RNF145: variants seen among roughly 807,000 people sequenced by gnomAD.
RNF145 encodes ring finger protein 145.
A neutral mutation model predicts 57.3 loss-of-function variants in RNF145; 12 were observed. The ratio of observed to expected loss-of-function variants is 0.21; its 90% CI spans 0.13 to 0.34. RNF145 has a LOEUF of 0.34. RNF145 is among the 10% of genes least tolerant of loss of function. RNF145 has a pLI of 1.00. For synonymous variants in RNF145, 262 were observed against 288.3 expected, an observed-to-expected ratio of 0.91 and a Z score of 0.92; for missense variants, 429 against 799.0, an observed-to-expected ratio of 0.54 and a Z score of 5.58.
chr5:159,209,175 G>C (rs1786016185), intron 1 of RNF145, 56 bp downstream of exon 1: 1 of 798,630 alleles, frequency 1.3e-6, no homozygotes, highest in African/African-American at 1.9e-5. Context: ...GGGAGGCCGT[G>C]GGAAGCGGCC....
At chr5:159,179,352 A>G (rs1784810992) in intron 4 of RNF145, among the ~76,000 whole-genome samples, 1 of 152,134 alleles carries the variant, frequency 6.6e-6, no homozygotes, top group African/African-American at 2.4e-5. Flanking sequence ...TGCATAAACC[A>G]AAATCCCAAT....
chr5:159,166,411 TCA>T (rs1292949038), intron 8 of RNF145, among the ~76,000 whole-genome samples: 1 of 152,250 alleles, frequency 6.6e-6, no homozygotes, highest in Admixed American at 6.5e-5. Flanking sequence ...ATAGTCAATC[TCA>T]GTCTTCCACA....
At chr5:159,167,891 A>T (rs1342146275) in intron 8 of RNF145, among the ~76,000 whole-genome samples, 3 of 152,186 alleles carry the variant, frequency 2.0e-5, no homozygotes, top group Non-Finnish European at 4.4e-5. Context: ...TTAAAATGTT[A>T]ATTTGGAATG....
intron 3 of RNF145, among the ~76,000 whole-genome samples, chr5:159,185,240 ACT>A (rs1785019325): frequency 6.6e-6 from 1 of 151,996 alleles, no homozygotes; most frequent in Non-Finnish European, 1.5e-5. Context: ...AAGCCTGCAG[ACT>A]CTCTCTTTAG....
intron 3 of RNF145, among the ~76,000 whole-genome samples, chr5:159,189,471 G>A (rs1785209066): frequency 6.6e-6 from 1 of 152,200 alleles, no homozygotes; most frequent in African/African-American, 2.4e-5. Context: ...CAAGAATGTA[G>A]ACAAATTGGA....
chr5:159,209,753 CAG>C, upstream of RNF145: 3 of 1,256,554 alleles, frequency 2.4e-6, no homozygotes, highest in East Asian at 5.1e-5. Flanking sequence ...AGGCGTACTG[CAG>C]AGACACCTGG....
At chr5:159,164,339 G>A (rs1215017057) in intron 8 of RNF145, among the ~76,000 whole-genome samples, 1 of 152,138 alleles carries the variant, frequency 6.6e-6, no homozygotes, top group African/African-American at 2.4e-5. Flanking sequence ...AAAGGCAGTA[G>A]CTGTACTGTG....
rs758167832 is a variant in RNF145 at position 159,161,661 on chromosome 5, A to T, written c.1270-39T>A. ...AAAAATGTACGTATCTTGAAATATG[A>T]TCACTAAGATACTTTTTTCATAGGC... On this transcript the variant is annotated intron_variant, in intron 9 of 10. Coordinates refer to ENST00000424310, the MANE Select transcript of RNF145 (RefSeq NM_001199383.2). 5.9e-6 allele frequency: 7 copies of T among 1,178,988 alleles called. No homozygotes were observed. In the South Asian group the frequency reaches 8.5e-5, roughly 14 times the overall value. 73.0% of individuals were successfully genotyped at this position (1,178,988 alleles called of 1,614,324 possible).
chr5:159,158,778 G>A lies in RNF145; in HGVS notation c.1884C>T (p.Asp628=), dbSNP rs377143245. ...PGTRIQEGSR[D]NNEYIARRPD... ...GTCGTCTGGCAATGTACTCATTATTGTCCCTGGAACCTTCCTGTATCCTGG... is the reference window on the plus strand; with the variant it reads ...GTCGTCTGGCAATGTACTCATTATTATCCCTGGAACCTTCCTGTATCCTGG... Residue 628 remains aspartate, a synonymous_variant, in exon 11 of 11, where the codon GAC becomes GAT. Transcript: ENST00000424310. 2.5e-6 allele frequency: 4 copies of A among 1,613,940 alleles called. No homozygotes were observed. Among genetic ancestry groups the A allele is most frequent in the African/African-American group, 1.3e-5 (1 of 75,014 alleles).
chr5:159,164,119 T>C (rs978806161), intron 8 of RNF145, among the ~76,000 whole-genome samples: 1 of 152,150 alleles, frequency 6.6e-6, no homozygotes, highest in Non-Finnish European at 1.5e-5. Context: ...CAAGGTCAAA[T>C]GCTATACAGT....
upstream of RNF145, chr5:159,209,665 T>A: frequency 1.0e-6 from 1 of 957,458 alleles, no homozygotes; most frequent in South Asian, 2.8e-5. Context: ...CGGAGTGCTT[T>A]CCGCACCGCC....
intron 9 of RNF145, among the ~76,000 whole-genome samples, chr5:159,161,862 C>G (rs1020196705): frequency 6.6e-6 from 1 of 152,128 alleles, no homozygotes; most frequent in East Asian, 1.9e-4. Context: ...AAAGCCACAC[C>G]GTCAGACGTG....
At chr5:159,162,224 T>C (rs904404267) in intron 9 of RNF145, among the ~76,000 whole-genome samples, 3 of 152,170 alleles carry the variant, frequency 2.0e-5, no homozygotes, top group Non-Finnish European at 4.4e-5. Flanking sequence ...GTGGAACTAT[T>C]GGTATTTTTG....
rs761484788 is a variant in RNF145, at chr5:159,158,955, C to A, written c.1707G>T (p.Glu569Asp). Residue 569 changes from glutamate (E) to aspartate (D), a missense_variant, in exon 11 of 11, where the codon GAG becomes GAT. Physicochemically the swap from Glu to Asp is conservative, Grantham distance 45. Around this residue, in one of 4 missense-constraint regions of RNF145, gnomAD observed 216 missense variants for 457.6 expected, o/e 0.47. Transcript: ENST00000424310. ...GCLKKWLYVQ[E>D]TCPLCHCHLK... is the part of the protein sequence containing the mutation. The stretch of plus-strand genomic sequence containing the variant: ...GATGGCAGTGGCACAGAGGGCAGGT[C>A]TCCTGGACATACAGCCATTTCTTAA... 2 of 1,613,878 alleles carry A rather than the reference C, an allele frequency of 1.2e-6. No individual in the cohort carries two copies. The highest frequency in any genetic ancestry group is 1.7e-6 in the Non-Finnish European group (2 of 1,179,852).
rs1056620954 is a variant in RNF145, at chr5:159,158,230, T to G, written c.*440A>C. 5.9e-6 allele frequency: 1 copy of G among 170,646 alleles called. No homozygotes were observed. Among genetic ancestry groups the G allele is most frequent in the African/African-American group, 2.4e-5 (1 of 41,954 alleles). The allele number at this position is 170,646 out of a possible 1,614,324, so 10.6% of individuals were successfully genotyped here. ...GGAGAGGGCTGGTTGCTATTCAGAC[T>G]TGATAATGAGATTGATCTGTCCCAT... On this transcript the variant is annotated 3_prime_UTR_variant, in exon 11 of 11. Coordinates refer to ENST00000424310, the MANE Select transcript of RNF145 (RefSeq NM_001199383.2).
chr5:159,171,981 A>G (rs975521339), intron 6 of RNF145, among the ~76,000 whole-genome samples: 3 of 152,208 alleles, frequency 2.0e-5, no homozygotes, highest in African/African-American at 7.2e-5. Context: ...GAATATCCGA[A>G]TATTATTTTC....
intron 8 of RNF145, among the ~76,000 whole-genome samples, chr5:159,166,910 G>A (rs1353399363): frequency 6.6e-6 from 1 of 152,042 alleles, no homozygotes; most frequent in Admixed American, 6.6e-5. Flanking sequence ...GACTGCTTGA[G>A]CCCAGGAGTT....
At chr5:159,199,739 AG>A (rs1785597058) in intron 2 of RNF145, among the ~76,000 whole-genome samples, 2 of 152,180 alleles carry the variant, frequency 1.3e-5, no homozygotes, top group African/African-American at 4.8e-5. Context: ...TATAGAATTA[AG>A]CACCATATCT....
intron 1 of RNF145, among the ~76,000 whole-genome samples, chr5:159,206,013 A>G (rs1288175631): frequency 2.0e-5 from 3 of 152,174 alleles, no homozygotes; most frequent in Non-Finnish European, 4.4e-5. Flanking sequence ...CTCTATTACA[A>G]AAGTCCATTA....
Sources: gnomAD v4.1 joint callset for allele counts (sites outside exome capture counted in the v4.1 genomes callset) on GRCh38, gnomAD v4.1.1 for gene constraint, gnomAD v4.1.1 regional missense constraint, MANE v1.5 for transcripts, NCBI Gene and HGNC (gene_info 2026-07-23, HGNC 2026-07-21) for gene names.